Variants in GLG1 observed in about 807,000 individuals in gnomAD.
GLG1 encodes the protein Golgi apparatus protein 1.
A neutral mutation model predicts 160.5 loss-of-function variants in GLG1; 38 were observed. The ratio of observed to expected loss-of-function variants is 0.24; its 90% CI spans 0.18 to 0.31. The LOEUF (loss-of-function observed/expected upper bound fraction) is 0.31, where lower values mean the gene tolerates loss of function less well. GLG1 is among the 10% of genes least tolerant of loss of function. GLG1 has a pLI of 1.00. For missense variants in GLG1, 1,373 were observed against 1,505.2 expected, an observed-to-expected ratio of 0.91 and a Z score of 1.45; for synonymous variants, 644 against 543.4, an observed-to-expected ratio of 1.19 and a Z score of -2.57.
chr16:74,589,942 T>C (rs1171647234), intron 1 of GLG1, among the ~76,000 whole-genome samples: 2 of 151,976 alleles, frequency 1.3e-5, no homozygotes, highest in Admixed American at 1.3e-4. Flanking sequence ...GTTTCATAAA[T>C]AAATAAATAA....
chr16:74,586,003 T>C (rs1449594251), intron 1 of GLG1, among the ~76,000 whole-genome samples: 4 of 141,592 alleles, frequency 2.8e-5, no homozygotes, highest in Non-Finnish European at 4.6e-5. Flanking sequence ...GCAAAGGCTG[T>C]AGTGAGCCGA....
intron 1 of GLG1, among the ~76,000 whole-genome samples, chr16:74,602,004 T>C (rs890527676): frequency 6.6e-6 from 1 of 152,102 alleles, no homozygotes; most frequent in Admixed American, 6.6e-5. Flanking sequence ...AGCACCTCAT[T>C]ATCATTATCA....
Position 74,485,797 on chromosome 16 carries a change from T to A in GLG1, c.1570A>T (p.Met524Leu), listed in dbSNP as rs774634106. 1 of 1,612,164 alleles carries A rather than the reference T, an allele frequency of 6.2e-7. No individual in the cohort carries two copies. The highest frequency in any genetic ancestry group is 8.5e-7 in the Non-Finnish European group (1 of 1,178,836). ...AATACCATGGAGAAGATAACTTACA[T>A]TGGGTCTCCAGATCTTATATGTTTG... ...ACKHIRSGDP[M>L]ILSCLMEHLY... Residue 524 changes from methionine to leucine, a missense_variant and splice_region_variant, in exon 9 of 26, where the codon ATG becomes TTG. Met to Leu is a conservative substitution (Grantham distance 15). Around this residue, in one of 4 missense-constraint regions of GLG1, gnomAD observed 386 missense variants for 388.5 expected, o/e 0.99. Coordinates refer to ENST00000422840, the MANE Select transcript of GLG1 (RefSeq NM_001145667.2).
chr16:74,492,153 G>A (rs1418067474), intron 7 of GLG1, among the ~76,000 whole-genome samples: 10 of 144,784 alleles, frequency 6.9e-5, no homozygotes, highest in African/African-American at 2.0e-4. Flanking sequence ...TTGGGAGGCC[G>A]AGGCAGGCAG....
intron 2 of GLG1, among the ~76,000 whole-genome samples, chr16:74,526,133 C>A (rs1191319791): frequency 6.6e-6 from 1 of 152,170 alleles, no homozygotes; most frequent in Non-Finnish European, 1.5e-5. Flanking sequence ...AAGTAACAAA[C>A]AGTTTTAAAG....
In GLG1 at chr16:74,496,537, G is replaced by C. The variant is rs200184218; in HGVS notation, c.882C>G (p.Ala294=). The change falls in exon 5 of 26, where the codon GCC becomes GCG. Residue 294 remains alanine (A), a synonymous_variant. Transcript: ENST00000422840. The part of the protein sequence containing the change: ...KIQVSELCKK[A]ILRVAELSSD... Reference sequence around the variant, plus strand: ...ATGACAGCTCAGCCACCCGGAGAATGGCTTTCTTGCAGAGTTCAGAAACTT... The same window carrying C: ...ATGACAGCTCAGCCACCCGGAGAATCGCTTTCTTGCAGAGTTCAGAAACTT... 68 of 1,613,586 alleles carry C rather than the reference G, an allele frequency of 4.2e-5. 1 individual carries two copies. The Middle Eastern group carries it at 1.5e-3, about 35-fold the overall frequency.
At chr16:74,528,560 C>T (rs2017416192) in intron 2 of GLG1, among the ~76,000 whole-genome samples, 1 of 151,642 alleles carries the variant, frequency 6.6e-6, no homozygotes, top group African/African-American at 2.4e-5. Flanking sequence ...ACCTATAATC[C>T]CAGTACTTTG....
intron 1 of GLG1, among the ~76,000 whole-genome samples, chr16:74,573,184 G>A (rs1051770989): frequency 6.6e-6 from 1 of 152,118 alleles, no homozygotes; most frequent in African/African-American, 2.4e-5. Context: ...GAATAGGGTA[G>A]AATGAAGATA....
At chr16:74,530,589 G>C (rs2017501498) in intron 2 of GLG1, among the ~76,000 whole-genome samples, 1 of 151,650 alleles carries the variant, frequency 6.6e-6, no homozygotes, top group African/African-American at 2.4e-5. Context: ...ATGGGCTAGA[G>C]AATGCTTAAA....
chr16:74,581,183 T>C (rs1802105869), intron 1 of GLG1, among the ~76,000 whole-genome samples: 1 of 152,162 alleles, frequency 6.6e-6, no homozygotes, highest in South Asian at 2.1e-4. Flanking sequence ...CAAAGAGATA[T>C]TTGTATACCC....
intron 1 of GLG1, among the ~76,000 whole-genome samples, chr16:74,595,406 G>A (rs9939178): frequency 0.71 from 107,557 of 150,472 alleles, 38,758 homozygotes; most frequent in African/African-American, 0.83. Context: ...TCGTGGTGGC[G>A]GGCGCCTGTA....
chr16:74,564,492 T>C (rs539890895), intron 1 of GLG1, among the ~76,000 whole-genome samples: 1 of 152,306 alleles, frequency 6.6e-6, no homozygotes, highest in East Asian at 1.9e-4. Flanking sequence ...CATGCAGCCA[T>C]CTATGTAAGT....
intron 24 of GLG1, among the ~76,000 whole-genome samples, chr16:74,457,105 C>T (rs574909353): frequency 7.9e-5 from 12 of 152,212 alleles, no homozygotes; most frequent in African/African-American, 2.9e-4. Flanking sequence ...AAAATTAAAA[C>T]GAAAACAGGC....
rs562246646 is a variant in GLG1 at position 74,475,014 on chromosome 16, G to A, written c.1966-382C>T. Among the ~76,000 whole-genome samples, 15 of 152,038 alleles carry A rather than the reference G, an allele frequency of 9.9e-5. No homozygotes were observed. In the South Asian group the frequency reaches 2.5e-3, roughly 25 times the overall value. ...CCTACTAAAAATACAAAAATTACCCGGGTGTGGTGGTGGGTGCCTGTAATC... is the reference window on the plus strand; with the variant it reads ...CCTACTAAAAATACAAAAATTACCCAGGTGTGGTGGTGGGTGCCTGTAATC... On this transcript the variant is annotated intron_variant, in intron 12 of 25. Transcript: ENST00000422840.
Position 74,607,084 on chromosome 16 carries a change from C to G in GLG1, c.11G>C (p.Cys4Ser). 1 of 1,552,128 alleles carries G rather than the reference C, an allele frequency of 6.4e-7. No individual in the cohort carries two copies. The highest frequency in any genetic ancestry group is 1.9e-5 in the Admixed American group (1 of 52,176). Reference sequence around the variant, plus strand: ...GCGGAACATCCTCCGTACACGTCCACACGCCGCCATCTTGAGTCCGCGGCG... The same window carrying G: ...GCGGAACATCCTCCGTACACGTCCAGACGCCGCCATCTTGAGTCCGCGGCG... MAA[C>S]GRVRRMFRLS... Residue 4 changes from cysteine to serine, a missense_variant, in exon 1 of 26, where the codon TGT becomes TCT. Transcript: ENST00000422840.
intron 1 of GLG1, among the ~76,000 whole-genome samples, chr16:74,543,631 T>C (rs925074498): frequency 1.6e-4 from 25 of 152,158 alleles, no homozygotes; most frequent in Non-Finnish European, 4.4e-5. Context: ...CATCAATAAT[T>C]ACCACTATAT....
chr16:74,461,000 A>G (rs1273984155), intron 22 of GLG1, among the ~76,000 whole-genome samples: 1 of 152,218 alleles, frequency 6.6e-6, no homozygotes. Context: ...AAAGACAAAA[A>G]TATTAAGTTT....
chr16:74,587,683 C>A (rs62051919), intron 1 of GLG1, among the ~76,000 whole-genome samples: 7,239 of 152,168 alleles, frequency 0.048, 229 homozygotes, highest in Non-Finnish European at 0.07. Context: ...CTGGCCAACA[C>A]AGTGAAACCC....
chr16:74,475,938 T>C (rs2015377475), intron 12 of GLG1, among the ~76,000 whole-genome samples: 1 of 152,140 alleles, frequency 6.6e-6, no homozygotes, highest in African/African-American at 2.4e-5. Context: ...TCCTAGCACT[T>C]TGGGAGGCCA....
Sources: allele counts gnomAD v4.1 joint callset (sites outside exome capture counted in the v4.1 genomes callset), GRCh38; gene constraint gnomAD v4.1.1; regional missense constraint gnomAD v4.1.1; transcripts MANE v1.5; gene names NCBI Gene and HGNC (gene_info 2026-07-23, HGNC 2026-07-21).